Variants in MTRF1 observed in about 807,000 individuals in gnomAD.
MTRF1 encodes peptide chain release factor 1, mitochondrial.
In MTRF1, 51 loss-of-function variants were observed where a neutral mutation model predicts 62.9. The observed-to-expected ratio is 0.81, with a 90% confidence interval of 0.65 to 1.02. The LOEUF (loss-of-function observed/expected upper bound fraction) is 1.02. MTRF1 is among the 50% of genes least tolerant of loss of function. MTRF1 has a pLI of 0.00. For missense variants in MTRF1, 446 were observed against 530.0 expected, an observed-to-expected ratio of 0.84 and a Z score of 1.56; for synonymous variants, 158 against 181.9, an observed-to-expected ratio of 0.87 and a Z score of 1.06.
At position 41,252,739 on chromosome 13, in the gene MTRF1, T is replaced by C. The variant is rs1322238206; in HGVS notation, c.603A>G (p.Gln201=). The C allele has an allele frequency of 6.2e-7, 1 of 1,613,508 alleles. No individual in the cohort carries two copies. Among genetic ancestry groups the C allele is most frequent in the South Asian group, 1.1e-5 (1 of 91,064 alleles). ...AGRTTGGDIC[Q]QFTREIFDMY... is the part of the protein sequence containing the mutation. ...TGTCAAATATTTCTCGGGTAAATTGTTGGCAGATGTCACCTAAAACAAAAT... is the reference window on the plus strand; with the variant it reads ...TGTCAAATATTTCTCGGGTAAATTGCTGGCAGATGTCACCTAAAACAAAAT... The change falls in exon 5 of 10, where the codon CAA becomes CAG. Residue 201 remains glutamine (Q), a synonymous_variant. Coordinates refer to ENST00000379480, the MANE Select transcript of MTRF1 (RefSeq NM_004294.4).
chr13:41,304,345 G>A, the MTRF1 span, among the ~76,000 whole-genome samples: 1 of 152,184 alleles, frequency 6.6e-6, no homozygotes, highest in African/African-American at 2.4e-5. Context: ...CACAATCACA[G>A]TGCACTGCAG....
chr13:41,247,749 C>T (rs2038463212), intron 5 of MTRF1, among the ~76,000 whole-genome samples: 1 of 152,134 alleles, frequency 6.6e-6, no homozygotes, highest in African/African-American at 2.4e-5. Flanking sequence ...GGTCAGGGAA[C>T]CAGTGTGGGG....
chr13:41,275,940 A>AT, the MTRF1 span, among the ~76,000 whole-genome samples: 19 of 152,330 alleles, frequency 1.2e-4, no homozygotes, highest in East Asian at 3.7e-3. Context: ...GAACAACTGC[A>AT]AGGCCATAAT....
the MTRF1 span, among the ~76,000 whole-genome samples, chr13:41,271,091 A>ACACACCCC: frequency 2.2e-5 from 3 of 137,128 alleles, no homozygotes; most frequent in African/African-American, 8.2e-5. Context: ...ACACACACAC[A>ACACACCCC]CCCCATATAG....
the MTRF1 span, among the ~76,000 whole-genome samples, chr13:41,276,241 G>A: frequency 6.6e-6 from 1 of 151,574 alleles, no homozygotes; most frequent in Non-Finnish European, 1.5e-5. Context: ...CATTGATCTC[G>A]GCTCACTGCA....
intron 2 of MTRF1, chr13:41,257,877 T>C: frequency 2.8e-6 from 1 of 351,364 alleles, no homozygotes; most frequent in Non-Finnish European, 6.1e-6. Flanking sequence ...AATGAGATAA[T>C]ATTTGTAAAG....
chr13:41,279,408 G>A, the MTRF1 span, among the ~76,000 whole-genome samples: 24 of 152,180 alleles, frequency 1.6e-4, no homozygotes, highest in Non-Finnish European at 1.9e-4. Context: ...TAACCCAAAC[G>A]TTCCTTTCTG....
the MTRF1 span, among the ~76,000 whole-genome samples, chr13:41,301,494 T>C: frequency 6.6e-6 from 1 of 152,148 alleles, no homozygotes; most frequent in African/African-American, 2.4e-5. Flanking sequence ...ATACCTGTAA[T>C]GTCAGCACTT....
intron 5 of MTRF1, among the ~76,000 whole-genome samples, chr13:41,249,741 C>G (rs2038820341): frequency 6.8e-6 from 1 of 147,486 alleles, no homozygotes; most frequent in African/African-American, 2.5e-5. Flanking sequence ...ATTCCCATGC[C>G]TCAGCCTCCC....
intron 5 of MTRF1, among the ~76,000 whole-genome samples, chr13:41,249,462 A>C (rs2038734905): frequency 6.6e-6 from 1 of 151,992 alleles, no homozygotes; most frequent in African/African-American, 2.4e-5. Flanking sequence ...AATGGTGTGA[A>C]CCTGGGAGGC....
At chr13:41,259,712 A>AAAAAAACAAAAAAAAAAACAC (rs1555268025) in intron 2 of MTRF1, among the ~76,000 whole-genome samples, 1 of 136,714 alleles carries the variant, frequency 7.3e-6, no homozygotes, top group Admixed American at 7.3e-5. Flanking sequence ...AAAAAAAAAA[A>AAAAAAACAAAAAAAAAAACAC]AAAAAAAAAC....
chr13:41,252,641 C>A lies in MTRF1; in HGVS notation c.697+4G>T, dbSNP rs757344174. On this transcript the variant is annotated splice_donor_region_variant and intron_variant, in intron 5 of 9. Transcript: ENST00000379480. ...CCTACAGGCAAATTCCTCAATATGCCTACCATAATCTGCTGGTGTATAATT... is the reference window on the plus strand; with the variant it reads ...CCTACAGGCAAATTCCTCAATATGCATACCATAATCTGCTGGTGTATAATT... 1 of 1,604,284 alleles carries A rather than the reference C, an allele frequency of 6.2e-7. No individual in the cohort carries two copies. Among genetic ancestry groups the A allele is most frequent in the Non-Finnish European group, 8.5e-7 (1 of 1,171,902 alleles).
intron 1 of MTRF1, chr13:41,261,685 A>C: frequency 2.4e-6 from 1 of 415,246 alleles, no homozygotes; most frequent in Non-Finnish European, 3.2e-6. Context: ...AAGGAAGTCA[A>C]GTAACTTAAT....
chr13:41,221,699 A>T (rs2033402307), intron 9 of MTRF1, among the ~76,000 whole-genome samples: 1 of 152,174 alleles, frequency 6.6e-6, no homozygotes, highest in African/African-American at 2.4e-5. Flanking sequence ...CAGATATTTT[A>T]TAACTACAGA....
At chr13:41,279,422 A>G in the MTRF1 span, among the ~76,000 whole-genome samples, 12 of 152,214 alleles carry the variant, frequency 7.9e-5, no homozygotes, top group African/African-American at 2.9e-4. Context: ...CTTTCTGTTG[A>G]TTCCAGGTCC....
chr13:41,251,260 T>G lies in MTRF1; in HGVS notation c.697+1385A>C, dbSNP rs1259584309. 3.3e-5 allele frequency among the ~76,000 whole-genome samples: 5 copies of G among 152,334 alleles called. No homozygotes were observed. The East Asian group carries it at 9.6e-4, about 29-fold the overall frequency. On this transcript the variant is annotated intron_variant, in intron 5 of 9. Coordinates refer to ENST00000379480, the MANE Select transcript of MTRF1 (RefSeq NM_004294.4). ...TAACTCTTAGTCATATCTGGATTACTCTAATAACCTCTTTGCAGTCTGCAC... is the reference window on the plus strand; with the variant it reads ...TAACTCTTAGTCATATCTGGATTACGCTAATAACCTCTTTGCAGTCTGCAC...
At chr13:41,306,655 T>C in the MTRF1 span, among the ~76,000 whole-genome samples, 1 of 152,208 alleles carries the variant, frequency 6.6e-6, no homozygotes, top group Non-Finnish European at 1.5e-5. Flanking sequence ...GAAGAATCAG[T>C]GGCCCATATT....
intron 7 of MTRF1, among the ~76,000 whole-genome samples, chr13:41,227,012 T>C (rs777570168): frequency 6.6e-6 from 1 of 152,106 alleles, no homozygotes; most frequent in Non-Finnish European, 1.5e-5. Flanking sequence ...TTATAATGGC[T>C]GGGCGCAGTG....
At chr13:41,257,251 T>G (rs1392983105) in intron 2 of MTRF1, among the ~76,000 whole-genome samples, 1 of 152,156 alleles carries the variant, frequency 6.6e-6, no homozygotes, top group African/African-American at 2.4e-5. Context: ...CCAAGAAATC[T>G]CTACTTATAG....
Sources: gnomAD v4.1 joint callset for allele counts (sites outside exome capture counted in the v4.1 genomes callset) on GRCh38, gnomAD v4.1.1 for gene constraint, MANE v1.5 for transcripts, NCBI Gene and HGNC (gene_info 2026-07-23, HGNC 2026-07-21) for gene names.